EBF3: variants seen among roughly 807,000 people sequenced by gnomAD.
The protein encoded by EBF3 is EBF transcription factor 3, also known as transcription factor COE3.
A neutral mutation model predicts 77.1 loss-of-function variants in EBF3; 18 were observed. The observed-to-expected ratio is 0.23, with a 90% confidence interval of 0.16 to 0.35. The LOEUF is 0.35. Ranked by LOEUF, EBF3 falls within the 10% of genes least tolerant of loss-of-function variation. The probability of loss-of-function intolerance (pLI) is 1.00; values close to 1 mark genes in which losing one functional copy is unlikely to be tolerated. For missense variants in EBF3, 558 were observed against 860.0 expected, an observed-to-expected ratio of 0.65 and a Z score of 4.39; for synonymous variants, 350 against 343.5, an observed-to-expected ratio of 1.02 and a Z score of -0.21.
rs1265188342 is a variant in EBF3, at chr10:129,837,918, A to G, written c.*25T>C. The G allele has an allele frequency of 7.4e-6, 12 of 1,614,070 alleles. No individual in the cohort carries two copies. The highest frequency in any genetic ancestry group is 1.0e-5 in the Non-Finnish European group (12 of 1,180,042). On this transcript the variant is annotated 3_prime_UTR_variant, in exon 17 of 17. Transcript: ENST00000440978. ...TGATGCTGGGTGCTGCGGAAGGTAAACAGAAGTCCCTCACATTGGCGGGAC... is the reference window on the plus strand; with the variant it reads ...TGATGCTGGGTGCTGCGGAAGGTAAGCAGAAGTCCCTCACATTGGCGGGAC...
At chr10:129,915,612 T>TG (rs1855834713) in intron 6 of EBF3, among the ~76,000 whole-genome samples, 1 of 152,162 alleles carries the variant, frequency 6.6e-6, no homozygotes, top group African/African-American at 2.4e-5. Flanking sequence ...ACATCAATGC[T>TG]GGGCGAGCAC....
Position 129,841,270 on chromosome 10 carries a change from G to A in EBF3, c.1373-238C>T, listed in dbSNP as rs962691244. ...TCAACAGCCAGCCGGGGCGCGCTTCGATCTCGCCGTCAGTGGCTTTCACGT... is the reference window on the plus strand; with the variant it reads ...TCAACAGCCAGCCGGGGCGCGCTTCAATCTCGCCGTCAGTGGCTTTCACGT... On this transcript the variant is annotated intron_variant, in intron 13 of 16. Transcript: ENST00000440978. This position sits in a 1 kb window ranked among gnomAD's most constrained non-coding sequence, Gnocchi z 4.6. Among the ~76,000 whole-genome samples, 9 of 152,154 alleles carry A rather than the reference G, an allele frequency of 5.9e-5. No homozygotes were observed. The highest frequency in any genetic ancestry group is 1.3e-4 in the Admixed American group (2 of 15,278).
intron 10 of EBF3, among the ~76,000 whole-genome samples, chr10:129,865,021 A>C (rs1851897762): frequency 6.6e-6 from 1 of 152,238 alleles, no homozygotes; most frequent in Non-Finnish European, 1.5e-5. Context: ...GCATATGCCC[A>C]GGTCCCAGTC....
intron 6 of EBF3, among the ~76,000 whole-genome samples, chr10:129,899,976 G>A (rs546733665): frequency 1.3e-5 from 2 of 152,328 alleles, no homozygotes; most frequent in East Asian, 3.9e-4. Context: ...TGTCGTTGCT[G>A]CAGAAGAACA....
intron 6 of EBF3, among the ~76,000 whole-genome samples, chr10:129,953,398 C>A (rs574182813): frequency 3.3e-5 from 5 of 151,012 alleles, no homozygotes; most frequent in Non-Finnish European, 7.4e-5. Context: ...CATCCTCCCC[C>A]CTCTTCAACC....
chr10:129,870,532 C>T lies in EBF3; in HGVS notation c.782-2620G>A, dbSNP rs921262861. ...GCTGCCAGGGTCCAGAGAAAGGAGG[C>T]GTGGCGAGTCTCCCCTGCGGATCTG... On this transcript the variant is annotated intron_variant, in intron 8 of 16. Transcript: ENST00000440978. The surrounding 1 kb of genome is among the most constrained non-coding windows in gnomAD (Gnocchi z 4.4). Among the ~76,000 whole-genome samples the T allele has an allele frequency of 4.6e-5, 7 of 152,134 alleles. No individual in the cohort carries two copies. The highest frequency in any genetic ancestry group is 7.2e-5 in the African/African-American group (3 of 41,446).
At chr10:129,948,128 C>T (rs1266721097) in intron 6 of EBF3, among the ~76,000 whole-genome samples, 2 of 151,912 alleles carry the variant, frequency 1.3e-5, no homozygotes. Flanking sequence ...TGTGGTGGCG[C>T]ATGCCTGTAA....
chr10:129,843,358 G>A, intron 11 of EBF3, 156 bp from the exon 12 acceptor site: 1 of 671,742 alleles, frequency 1.5e-6, no homozygotes, highest in Non-Finnish European at 2.6e-6. Context: ...GCACAGACAG[G>A]AAGGCACGTG....
intron 4 of EBF3, among the ~76,000 whole-genome samples, chr10:129,960,143 G>T (rs1031771015): frequency 1.3e-5 from 2 of 152,194 alleles, no homozygotes; most frequent in East Asian, 3.9e-4. Context: ...TGGGGGAGGG[G>T]CGGGAGGCTG....
rs979590182 is a variant in EBF3, at chr10:129,870,201, G to A, written c.782-2289C>T. Among the ~76,000 whole-genome samples, 6 of 152,126 alleles carry A rather than the reference G, an allele frequency of 3.9e-5. No individual in the cohort carries two copies. The highest frequency in any genetic ancestry group is 8.8e-5 in the Non-Finnish European group (6 of 68,026). Reference sequence around the variant, plus strand: ...CCACAGTGATAGCCATCTTCCTTCTGCCTGTATTTGCATACATTTCAGTGC... The same window carrying A: ...CCACAGTGATAGCCATCTTCCTTCTACCTGTATTTGCATACATTTCAGTGC... On this transcript the variant is annotated intron_variant, in intron 8 of 16. Coordinates refer to ENST00000440978, the MANE Select transcript of EBF3 (RefSeq NM_001375380.1). The surrounding 1 kb of genome is among the most constrained non-coding windows in gnomAD (Gnocchi z 4.4).
At chr10:129,850,005 G>A (rs1426832263) in intron 10 of EBF3, among the ~76,000 whole-genome samples, 4 of 152,278 alleles carry the variant, frequency 2.6e-5, no homozygotes, top group Non-Finnish European at 2.9e-5. Flanking sequence ...CCAGGCCAGA[G>A]TGTCAGGCAA....
chr10:129,903,956 C>A (rs567940109), intron 6 of EBF3, among the ~76,000 whole-genome samples: 2 of 152,312 alleles, frequency 1.3e-5, no homozygotes, highest in African/African-American at 4.8e-5. Context: ...AAACCCTATA[C>A]ACGATTCCAA....
chr10:129,917,421 G>A (rs906198040), intron 6 of EBF3, among the ~76,000 whole-genome samples: 4 of 151,822 alleles, frequency 2.6e-5, no homozygotes, highest in African/African-American at 4.8e-5. Flanking sequence ...ATTCCACCTC[G>A]GCATTTAATT....
chr10:129,839,199 G>A lies in EBF3; in HGVS notation c.1760-4C>T. On this transcript the variant is annotated splice_polypyrimidine_tract_variant and splice_region_variant and intron_variant, in intron 15 of 16. Coordinates refer to ENST00000440978, the MANE Select transcript of EBF3 (RefSeq NM_001375380.1). ...TCCTCAGCACCCAGCAGAGAGCCTG[G>A]TACATAGTAGGTGCTCAGTAAATAC... is the stretch of plus-strand genomic sequence containing the variant. 8.1e-7 allele frequency: 1 copy of A among 1,233,308 alleles called. No individual in the cohort carries two copies. The highest frequency in any genetic ancestry group is 1.1e-6 in the Non-Finnish European group (1 of 924,354). 76.4% of individuals were successfully genotyped at this position (1,233,308 alleles called of 1,614,324 possible).
chr10:129,954,385 G>T (rs536423403), intron 6 of EBF3, among the ~76,000 whole-genome samples: 1 of 151,802 alleles, frequency 6.6e-6, no homozygotes, highest in South Asian at 2.1e-4. Flanking sequence ...TGCATGAAAT[G>T]GTTTTGTAAT....
At chr10:129,927,655 GCATTTCTT>G (rs1368336618) in intron 6 of EBF3, among the ~76,000 whole-genome samples, 3 of 152,204 alleles carry the variant, frequency 2.0e-5, no homozygotes, top group Admixed American at 2.0e-4. Context: ...TGAGGATCTT[GCATTTCTT>G]CATAGTCGTC....
chr10:129,900,758 C>CT (rs1217647148), intron 6 of EBF3, among the ~76,000 whole-genome samples: 1 of 152,270 alleles, frequency 6.6e-6, no homozygotes, highest in Non-Finnish European at 1.5e-5. Context: ...TCCTGAACTT[C>CT]TGCATACAGA....
At chr10:129,890,642 A>G (rs949008545) in intron 6 of EBF3, among the ~76,000 whole-genome samples, 3 of 152,270 alleles carry the variant, frequency 2.0e-5, no homozygotes, top group African/African-American at 7.2e-5. Flanking sequence ...GATGCTCCAC[A>G]GATGCTAAGC....
chr10:129,905,507 A>G (rs566732273), intron 6 of EBF3, among the ~76,000 whole-genome samples: 6 of 152,122 alleles, frequency 3.9e-5, no homozygotes, highest in Non-Finnish European at 8.8e-5. Context: ...GGTGGCTTTC[A>G]TGTGTGGTTT....
Sources: allele counts gnomAD v4.1 joint callset (sites outside exome capture counted in the v4.1 genomes callset), GRCh38; gene constraint gnomAD v4.1.1; non-coding constraint Gnocchi (gnomAD v3.1); transcripts MANE v1.5; gene names NCBI Gene and HGNC (gene_info 2026-07-23, HGNC 2026-07-21).